Variants in CAPN15 observed in about 807,000 individuals in gnomAD.
CAPN15 encodes calpain 15, also known as calpain-15.
Under a neutral mutation model 97.9 loss-of-function variants are expected in CAPN15, and 53 were observed. The observed-to-expected ratio is 0.54, with a 90% confidence interval of 0.43 to 0.68. The LOEUF is 0.68. Among genes scored for constraint, CAPN15 ranks in the 30% least tolerant of loss-of-function variants. CAPN15 has a pLI of 0.00. For synonymous variants in CAPN15, 922 were observed against 722.5 expected (o/e 1.28, Z -4.43); for missense variants, 1,592 against 1,589.8 (o/e 1.00, Z -0.02).
intron 3 of CAPN15, among the ~76,000 whole-genome samples, chr16:542,735 G>GC (rs2034207231): frequency 6.6e-6 from 1 of 151,298 alleles, no homozygotes; most frequent in Non-Finnish European, 1.5e-5. Flanking sequence ...CTACAGGCGT[G>GC]CACCACCATA....
Position 551,614 on chromosome 16 carries a change from G to T in CAPN15, c.2295G>T (p.Pro765=), listed in dbSNP as rs143897279. 1 of 1,606,472 alleles carries T rather than the reference G, an allele frequency of 6.2e-7. No homozygotes were observed. Among genetic ancestry groups the T allele is most frequent in the Admixed American group, 1.7e-5 (1 of 59,978 alleles). ...WPGHLRGELM[P]HGSSEGVFWM... The stretch of plus-strand genomic sequence containing the variant: ...GGCACCTGCGTGGCGAGCTCATGCC[G>T]CACGGCAGCAGTGAGGGTGTCTTCT... Residue 765 remains proline, a synonymous_variant, in exon 9 of 14, where the codon CCG becomes CCT. Transcript: ENST00000219611.
At position 549,524 on chromosome 16, in the gene CAPN15, G is replaced by A. The variant is rs906967657; in HGVS notation, c.1842+53G>A. ...GCGGCAGGGGCAGCCTCTGACCCCAGCCCCGAAAACAAGGCCGGCTGCTTC... is the reference window on the plus strand; with the variant it reads ...GCGGCAGGGGCAGCCTCTGACCCCAACCCCGAAAACAAGGCCGGCTGCTTC... On this transcript the variant is annotated intron_variant, in intron 6 of 13. Coordinates refer to ENST00000219611, the MANE Select transcript of CAPN15 (RefSeq NM_005632.3). 2.4e-6 allele frequency: 3 copies of A among 1,262,236 alleles called. No individual in the cohort carries two copies. In the African/African-American group the frequency reaches 4.9e-5, roughly 21 times the overall value. 78.2% of individuals were successfully genotyped at this position (1,262,236 alleles called of 1,614,324 possible). A position where few individuals can be genotyped will look rare whatever the true frequency, so the allele number is the denominator to read the frequency against.
Position 549,821 on chromosome 16 carries a change from G to T in CAPN15, c.2049G>T (p.Leu683=). The T allele has an allele frequency of 6.3e-7, 1 of 1,582,152 alleles. No individual in the cohort carries two copies. Among genetic ancestry groups the T allele is most frequent in the Non-Finnish European group, 8.6e-7 (1 of 1,163,560 alleles). Residue 683 remains leucine (L), a synonymous_variant, in exon 7 of 14, where the codon CTG becomes CTT. Coordinates refer to ENST00000219611, the MANE Select transcript of CAPN15 (RefSeq NM_005632.3). ...VDTDLIWAKM[L]SSKEAGFLMG... The stretch of plus-strand genomic sequence containing the variant: ...CTGACCTCATCTGGGCCAAAATGCT[G>T]AGTTCTAAGGAGGCTGGGTAAGAGG...
At position 536,126 on chromosome 16, in the gene CAPN15, G is replaced by T; in HGVS notation, c.-39G>T. ...GTGTGCCCAGGCCCTGAGGTGGGCC[G>T]GACCTGGGAGTGGCAGGTGAGCGTT... is the stretch of plus-strand genomic sequence containing the variant. On this transcript the variant is annotated 5_prime_UTR_variant, in exon 3 of 14. Coordinates refer to ENST00000219611, the MANE Select transcript of CAPN15 (RefSeq NM_005632.3). The T allele has an allele frequency of 1.0e-6, 1 of 978,768 alleles. No homozygotes were observed. Among genetic ancestry groups the T allele is most frequent in the Non-Finnish European group, 1.2e-6 (1 of 824,018 alleles). The allele number at this position is 978,768 out of a possible 1,614,324, so 60.6% of individuals were successfully genotyped here.
chr16:532,671 T>C (rs1332347936), intron 1 of CAPN15, among the ~76,000 whole-genome samples: 7 of 149,656 alleles, frequency 4.7e-5, no homozygotes, highest in African/African-American at 1.7e-4. Flanking sequence ...GCTAACACGG[T>C]GAAACTCCAT....
intron 3 of CAPN15, chr16:540,473 C>T (rs1194670406): frequency 4.3e-6 from 2 of 467,210 alleles, no homozygotes; most frequent in African/African-American, 2.1e-5. Context: ...AGAAGTGGGT[C>T]CCTGCTCCTT....
rs766266046 is a variant in CAPN15 at position 553,417 on chromosome 16, A to G, written c.3162A>G (p.Ala1054=). 1.9e-6 allele frequency: 3 copies of G among 1,610,136 alleles called. No homozygotes were observed. The highest frequency in any genetic ancestry group is 2.5e-6 in the Non-Finnish European group (3 of 1,178,976). ...SITHRLAHRK[A]AQAFLSDWTA... ...CCCACCGCCTGGCACATCGCAAGGCAGCCCAGGCCTTCCTCAGTGACTGGA... is the reference window on the plus strand; with the variant it reads ...CCCACCGCCTGGCACATCGCAAGGCGGCCCAGGCCTTCCTCAGTGACTGGA... The change falls in exon 14 of 14, where the codon GCA becomes GCG. Residue 1054 remains alanine (A), a synonymous_variant. Coordinates refer to ENST00000219611, the MANE Select transcript of CAPN15 (RefSeq NM_005632.3).
Position 552,689 on chromosome 16 carries a change from T to C in CAPN15, c.2822T>C (p.Met941Thr). The C allele has an allele frequency of 6.5e-7, 1 of 1,544,078 alleles. No individual in the cohort carries two copies. The highest frequency in any genetic ancestry group is 8.7e-7 in the Non-Finnish European group (1 of 1,145,992). ...GCTGTGTACAGCTCGAGGCTGGTCA[T>C]GGTGGAGCCCGTGGAAGCCCAGCCG... ...VLAVYSSRLV[M>T]VEPVEAQPTT... Residue 941 changes from methionine to threonine, a missense_variant, in exon 12 of 14, where the codon ATG (methionine) becomes ACG (threonine). By Grantham distance (81) the Met-to-Thr change is moderately conservative. Transcript: ENST00000219611. This position sits in a 1 kb window ranked among gnomAD's most constrained non-coding sequence, Gnocchi z 6.4.
intron 3 of CAPN15, among the ~76,000 whole-genome samples, chr16:542,270 T>A (rs1056086620): frequency 2.0e-5 from 3 of 151,750 alleles, no homozygotes; most frequent in African/African-American, 7.3e-5. Context: ...TGCGTGGACC[T>A]GTTTTCATTT....
chr16:532,757 G>C (rs1032270997), intron 1 of CAPN15, among the ~76,000 whole-genome samples: 2 of 151,248 alleles, frequency 1.3e-5, no homozygotes, highest in Admixed American at 1.3e-4. Context: ...GGAGGCTGAG[G>C]CAGGAGAATG....
rs770585968 is a variant in CAPN15 at position 553,752 on chromosome 16, C to T, written c.*236C>T. On this transcript the variant is annotated 3_prime_UTR_variant, in exon 14 of 14. Coordinates refer to ENST00000219611, the MANE Select transcript of CAPN15 (RefSeq NM_005632.3). ...GCCACGCAGAATACCTCGAACCAGG[C>T]GGGCTGTGAACCAGCCCCGCTCACC... The T allele has an allele frequency of 2.7e-4, 114 of 416,990 alleles. No individual in the cohort carries two copies. The highest frequency in any genetic ancestry group is 8.5e-4 in the South Asian group (15 of 17,712). 25.8% of individuals were successfully genotyped at this position (416,990 alleles called of 1,614,324 possible).
rs969947504 is a variant in CAPN15, at chr16:552,837, C to T, written c.2905-26C>T. Reference sequence around the variant, plus strand: ...GAGTATGCCCCAGCACCTCCCCTGCCCCACAACTGCCATTCCTGTGCCCAG... The same window carrying T: ...GAGTATGCCCCAGCACCTCCCCTGCTCCACAACTGCCATTCCTGTGCCCAG... On this transcript the variant is annotated intron_variant, in intron 12 of 13. Coordinates refer to ENST00000219611, the MANE Select transcript of CAPN15 (RefSeq NM_005632.3). The surrounding 1 kb of genome is among the most constrained non-coding windows in gnomAD (Gnocchi z 6.4). 53 of 1,579,294 alleles carry T rather than the reference C, an allele frequency of 3.4e-5. No individual in the cohort carries two copies. The highest frequency in any genetic ancestry group is 4.3e-5 in the Non-Finnish European group (50 of 1,159,904).
At chr16:537,488 T>A in intron 3 of CAPN15, 1 of 970,060 alleles carries the variant, frequency 1.0e-6, no homozygotes, top group Non-Finnish European at 1.2e-6. Context: ...CCCTGGCAGG[T>A]GTGCAGTCCT....
chr16:535,554 A>G lies in CAPN15; in HGVS notation c.-136-475A>G, dbSNP rs992165568. On this transcript the variant is annotated intron_variant, in intron 2 of 13. Coordinates refer to ENST00000219611, the MANE Select transcript of CAPN15 (RefSeq NM_005632.3). The surrounding 1 kb of genome is among the most constrained non-coding windows in gnomAD (Gnocchi z 6.2). ...GATCTAGGCCACCGCCCCGTTTAAA[A>G]CTAGGGCATCGGCTCCCAGGGAGGG... 2.0e-5 allele frequency among the ~76,000 whole-genome samples: 3 copies of G among 152,052 alleles called. No homozygotes were observed. The highest frequency in any genetic ancestry group is 7.2e-5 in the African/African-American group (3 of 41,392).
rs749151811 is a variant in CAPN15, at chr16:551,590, G to A, written c.2271G>A (p.Gly757=). 6 of 1,609,850 alleles carry A rather than the reference G, an allele frequency of 3.7e-6. No individual in the cohort carries two copies. The Admixed American group carries it at 1.0e-4, about 27-fold the overall frequency. Residue 757 remains glycine (G), a synonymous_variant, in exon 9 of 14, where the codon GGG becomes GGA. Coordinates refer to ENST00000219611, the MANE Select transcript of CAPN15 (RefSeq NM_005632.3). ...CCGACGAGTGGCCACACTGGCCGGG[G>A]CACCTGCGTGGCGAGCTCATGCCGC... ...SWSDEWPHWP[G]HLRGELMPHG...
At chr16:545,094 G>A (rs1337718975) in intron 3 of CAPN15, among the ~76,000 whole-genome samples, 1 of 151,902 alleles carries the variant, frequency 6.6e-6, no homozygotes, top group African/African-American at 2.4e-5. Context: ...TCCAGGCTTT[G>A]GCGGTCTGGC....
Position 542,907 on chromosome 16 carries a change from T to C in CAPN15, c.-22-3910T>C, listed in dbSNP as rs143406522. 9.3e-3 allele frequency among the ~76,000 whole-genome samples: 1,420 copies of C among 152,214 alleles called. 16 individuals carry two copies. The highest frequency in any genetic ancestry group is 0.017 in the Middle Eastern group (5 of 294). Reference sequence around the variant, plus strand: ...CATCTCTACTAAAACAAAAATTAGCTGGGCGTGGTGACGGGCACCTATAAT... The same window carrying C: ...CATCTCTACTAAAACAAAAATTAGCCGGGCGTGGTGACGGGCACCTATAAT... On this transcript the variant is annotated intron_variant, in intron 3 of 13. Coordinates refer to ENST00000219611, the MANE Select transcript of CAPN15 (RefSeq NM_005632.3).
rs139421036 is a variant in CAPN15, at chr16:554,010, G to C, written c.*494G>C. On this transcript the variant is annotated 3_prime_UTR_variant, in exon 14 of 14. Transcript: ENST00000219611. ...GGCAGGCGGGGTCCCTGGAGCCCTG[G>C]TGTGGAGCGGCGAGTCCCGGGGCGG... 8.3e-3 allele frequency: 1,481 copies of C among 178,944 alleles called. 25 individuals are homozygous for C. Among genetic ancestry groups the C allele is most frequent in the African/African-American group, 0.033 (1,396 of 42,116 alleles). 11.1% of individuals were successfully genotyped at this position (178,944 alleles called of 1,614,324 possible).
intron 3 of CAPN15, among the ~76,000 whole-genome samples, chr16:541,754 A>G (rs1440356729): frequency 6.6e-6 from 1 of 152,270 alleles, no homozygotes; most frequent in Non-Finnish European, 1.5e-5. Context: ...GTGTTACAGC[A>G]TCCCGCAGCC....
Sources: allele counts gnomAD v4.1 joint callset (sites outside exome capture counted in the v4.1 genomes callset), GRCh38; gene constraint gnomAD v4.1.1; non-coding constraint Gnocchi (gnomAD v3.1); transcripts MANE v1.5; gene names NCBI Gene and HGNC (gene_info 2026-07-23, HGNC 2026-07-21).